The following PIGV variants were observed in gnomAD, a reference collection of about 807,000 sequenced individuals.
PIGV encodes the protein phosphatidylinositol glycan anchor biosynthesis class V.
Under a neutral mutation model 39.2 loss-of-function variants are expected in PIGV, and 27 were observed. The ratio of observed to expected loss-of-function variants is 0.69; its 90% CI spans 0.51 to 0.95. The LOEUF is 0.95. Ranked by LOEUF, PIGV falls within the 40% of genes least tolerant of loss-of-function variation. The pLI is 0.00. For missense variants in PIGV, 523 were observed against 586.4 expected (o/e 0.89, Z 1.12); for synonymous variants, 232 against 241.7 (o/e 0.96, Z 0.37).
intron 3 of PIGV, 23 bp downstream of exon 3, chr1:26,795,257 A>T: frequency 6.2e-7 from 1 of 1,612,822 alleles, no homozygotes; most frequent in Non-Finnish European, 8.5e-7. Context: ...CCTGACTGGG[A>T]TAAGGATGTG....
Position 26,797,585 on chromosome 1 carries a change from C to G in PIGV, c.1223C>G (p.Ser408Cys). Residue 408 changes from serine (S) to cysteine (C), a missense_variant, in exon 4 of 4, where the codon TCC becomes TGC. Coordinates refer to ENST00000674202, the MANE Select transcript of PIGV (RefSeq NM_017837.4). Reference protein sequence around the residue: ...HVQVLTRFLGSSTPIMYWFPA... With the variant: ...HVQVLTRFLGCSTPIMYWFPA... ...TAGGTTCTCACCAGGTTTTTGGGCT[C>G]CTCCACTCCTATTATGTACTGGTTT... is the stretch of plus-strand genomic sequence containing the variant. The G allele has an allele frequency of 6.2e-7, 1 of 1,614,108 alleles. No individual in the cohort carries two copies. Among genetic ancestry groups the G allele is most frequent in the Non-Finnish European group, 8.5e-7 (1 of 1,179,988 alleles).
At position 26,798,841 on chromosome 1, in the gene PIGV, A is replaced by G. The variant is rs1265051067; in HGVS notation, c.*997A>G. Reference sequence around the variant, plus strand: ...GAAGGCATCAGGAACCCTGGATTCTAGTCCTCTCAGTAAAACCCCATTTAC... The same window carrying G: ...GAAGGCATCAGGAACCCTGGATTCTGGTCCTCTCAGTAAAACCCCATTTAC... On this transcript the variant is annotated 3_prime_UTR_variant, in exon 4 of 4. Transcript: ENST00000674202. 1.3e-5 allele frequency among the ~76,000 whole-genome samples: 2 copies of G among 152,260 alleles called. No individual in the cohort carries two copies. Among genetic ancestry groups the G allele is most frequent in the Non-Finnish European group, 2.9e-5 (2 of 68,044 alleles).
intron 1 of PIGV, among the ~76,000 whole-genome samples, chr1:26,789,266 C>A (rs2081280453): frequency 6.6e-6 from 1 of 152,264 alleles, no homozygotes; most frequent in African/African-American, 2.4e-5. Flanking sequence ...ACCGAATTTT[C>A]GTGAGCCAAC....
chr1:26,791,538 T>C (rs2081309822), intron 2 of PIGV, among the ~76,000 whole-genome samples: 1 of 152,234 alleles, frequency 6.6e-6, no homozygotes, highest in Non-Finnish European at 1.5e-5. Context: ...GCTCAGTATG[T>C]TCATAAATGA....
chr1:26,797,692 C>G lies in PIGV; in HGVS notation c.1330C>G (p.Pro444Ala). The change falls in exon 4 of 4, where the codon CCA becomes GCA. Residue 444 changes from proline to alanine, a missense_variant. Transcript: ENST00000674202. Reference protein sequence around the residue: ...VPWKPLAEDSPPGQKVPRNPI... With the variant: ...VPWKPLAEDSAPGQKVPRNPI... ...TTGGAAGCCTCTTGCAGAGGACTCC[C>G]CACCAGGACAAAAGGTCCCCAGAAA... 1 of 1,614,152 alleles carries G rather than the reference C, an allele frequency of 6.2e-7. No homozygotes were observed. Among genetic ancestry groups the G allele is most frequent in the Non-Finnish European group, 8.5e-7 (1 of 1,180,010 alleles).
In PIGV at chr1:26,797,557, T is replaced by C; in HGVS notation, c.1201-6T>C. The C allele has an allele frequency of 6.2e-7, 1 of 1,613,426 alleles. No homozygotes were observed. The highest frequency in any genetic ancestry group is 8.5e-7 in the Non-Finnish European group (1 of 1,179,348). Reference sequence around the variant, plus strand: ...TGTCTGGATATTCCCCTCTCATGATTTCTAGGTTCTCACCAGGTTTTTGGG... The same window carrying C: ...TGTCTGGATATTCCCCTCTCATGATCTCTAGGTTCTCACCAGGTTTTTGGG... On this transcript the variant is annotated splice_region_variant and splice_polypyrimidine_tract_variant and intron_variant, in intron 3 of 3. Coordinates refer to ENST00000674202, the MANE Select transcript of PIGV (RefSeq NM_017837.4).
intron 3 of PIGV, among the ~76,000 whole-genome samples, chr1:26,795,695 G>C (rs1354685344): frequency 8.6e-6 from 1 of 116,148 alleles, no homozygotes; most frequent in Non-Finnish European, 1.7e-5. Context: ...GGGCGACAGA[G>C]TGAGACTCTA....
At position 26,797,664 on chromosome 1, in the gene PIGV, G is replaced by C; in HGVS notation, c.1302G>C (p.Val434=). 6.2e-7 allele frequency: 1 copy of C among 1,614,124 alleles called. No homozygotes were observed. Among genetic ancestry groups the C allele is most frequent in the Non-Finnish European group, 8.5e-7 (1 of 1,179,996 alleles). Residue 434 remains valine, a synonymous_variant, in exon 4 of 4, where the codon GTG becomes GTC. Coordinates refer to ENST00000674202, the MANE Select transcript of PIGV (RefSeq NM_017837.4). ...CGCTGTTGAGATCCTTAAAGACTGT[G>C]CCTTGGAAGCCTCTTGCAGAGGACT... ...QEPLLRSLKT[V]PWKPLAEDSP...
At position 26,794,530 on chromosome 1, in the gene PIGV, G is replaced by A; in HGVS notation, c.496G>A (p.Ala166Thr). ...CAGCCCTGCCAATGTCTTCCTGGCA[G>A]CTGGTTACTCAGAAGCTTTGTTTGC... Reference protein sequence around the residue: ...CLSPANVFLAAGYSEALFALL... With the variant: ...CLSPANVFLATGYSEALFALL... Residue 166 changes from alanine to threonine, a missense_variant, in exon 3 of 4, where the codon GCT (alanine) becomes ACT (threonine). Coordinates refer to ENST00000674202, the MANE Select transcript of PIGV (RefSeq NM_017837.4). 6.2e-7 allele frequency: 1 copy of A among 1,614,244 alleles called. No homozygotes were observed. Among genetic ancestry groups the A allele is most frequent in the East Asian group, 2.2e-5 (1 of 44,888 alleles).
Position 26,799,686 on chromosome 1 carries a change from C to T in PIGV, c.*1842C>T, listed in dbSNP as rs2081429701. 6.6e-6 allele frequency among the ~76,000 whole-genome samples: 1 copy of T among 152,180 alleles called. No individual in the cohort carries two copies. Among genetic ancestry groups the T allele is most frequent in the Admixed American group, 6.5e-5 (1 of 15,284 alleles). The stretch of plus-strand genomic sequence containing the variant: ...AATAAGCATTTCCCATCCATCGCCC[C>T]AGCACTAGGACAGCTGAGAGAATTT... On this transcript the variant is annotated 3_prime_UTR_variant, in exon 4 of 4. Coordinates refer to ENST00000674202, the MANE Select transcript of PIGV (RefSeq NM_017837.4).
Position 26,794,283 on chromosome 1 carries a change from C to T in PIGV, c.249C>T (p.His83=). The change falls in exon 3 of 4, where the codon CAC becomes CAT. Residue 83 remains histidine, a synonymous_variant. Transcript: ENST00000674202. ...CTGAGCATGGCTACCTGTATGAGCA[C>T]AACTTTGCCTTCTTTCCTGGTTTCC... is the stretch of plus-strand genomic sequence containing the variant. ...FIAEHGYLYE[H]NFAFFPGFPL... 6.2e-7 allele frequency: 1 copy of T among 1,614,252 alleles called. No homozygotes were observed.
rs1007978582 is a variant in PIGV, at chr1:26,797,661, T to C, written c.1299T>C (p.Thr433=). 1 of 1,614,074 alleles carries C rather than the reference T, an allele frequency of 6.2e-7. No individual in the cohort carries two copies. Among genetic ancestry groups the C allele is most frequent in the Non-Finnish European group, 8.5e-7 (1 of 1,180,010 alleles). Reference sequence around the variant, plus strand: ...AGCCGCTGTTGAGATCCTTAAAGACTGTGCCTTGGAAGCCTCTTGCAGAGG... The same window carrying C: ...AGCCGCTGTTGAGATCCTTAAAGACCGTGCCTTGGAAGCCTCTTGCAGAGG... The part of the protein sequence containing the change: ...DQEPLLRSLK[T]VPWKPLAEDS... Residue 433 remains threonine, a synonymous_variant, in exon 4 of 4, where the codon ACT becomes ACC. Coordinates refer to ENST00000674202, the MANE Select transcript of PIGV (RefSeq NM_017837.4).
rs779812457 is a variant in PIGV at position 26,794,197 on chromosome 1, C to G, written c.163C>G (p.Leu55Val). 1 of 1,614,236 alleles carries G rather than the reference C, an allele frequency of 6.2e-7. No homozygotes were observed. Among genetic ancestry groups the G allele is most frequent in the Non-Finnish European group, 8.5e-7 (1 of 1,180,044 alleles). Reference sequence around the variant, plus strand: ...GGCCCCCTCAGGCTTTGTGGACCAACTCGTGGAAGGTCTTCTGGGCGGCCT... The same window carrying G: ...GGCCCCCTCAGGCTTTGTGGACCAAGTCGTGGAAGGTCTTCTGGGCGGCCT... ...RLAPSGFVDQ[L>V]VEGLLGGLSH... The change falls in exon 3 of 4, where the codon CTC becomes GTC. Residue 55 changes from leucine (L) to valine (V), a missense_variant. Physicochemically the swap from Leu to Val is conservative, Grantham distance 32. Coordinates refer to ENST00000674202, the MANE Select transcript of PIGV (RefSeq NM_017837.4).
At chr1:26,795,709 CAAAAAAAA>C (rs1005170504) in intron 3 of PIGV, among the ~76,000 whole-genome samples, 4 of 27,838 alleles carry the variant, frequency 1.4e-4, no homozygotes, top group African/African-American at 1.6e-4. Flanking sequence ...GACTCTATCT[CAAAAAAAA>C]AAAAAAAAAA....
chr1:26,796,106 C>T (rs1009394662), intron 3 of PIGV, among the ~76,000 whole-genome samples: 2 of 151,546 alleles, frequency 1.3e-5, no homozygotes. Flanking sequence ...GTGATCTGCC[C>T]GCCTCATCCT....
chr1:26,793,993 T>G, intron 2 of PIGV, 120 bp from the exon 3 acceptor site: 3 of 926,946 alleles, frequency 3.2e-6, no homozygotes, highest in Non-Finnish European at 5.2e-6. Flanking sequence ...AATCCTCCCA[T>G]CTCAGCCTGC....
At chr1:26,791,722 T>TA (rs2124184130) in intron 2 of PIGV, among the ~76,000 whole-genome samples, 1 of 152,360 alleles carries the variant, frequency 6.6e-6, no homozygotes, top group South Asian at 2.1e-4. Context: ...GGTTTCGAGA[T>TA]TAGTTAAACG....
intron 2 of PIGV, 102 bp from the exon 3 acceptor site, chr1:26,794,011 G>A (rs2081346173): frequency 9.0e-7 from 1 of 1,111,942 alleles, no homozygotes; most frequent in Non-Finnish European, 1.4e-6. Flanking sequence ...TGCCAAAGTG[G>A]GGATTACAGG....
chr1:26,795,451 A>G (rs1025752068), intron 3 of PIGV, among the ~76,000 whole-genome samples: 1 of 152,124 alleles, frequency 6.6e-6, no homozygotes, highest in Non-Finnish European at 1.5e-5. Flanking sequence ...GGTGGCTCAC[A>G]CCCATAATCC....
Sources: allele counts gnomAD v4.1 joint callset (sites outside exome capture counted in the v4.1 genomes callset), GRCh38; gene constraint gnomAD v4.1.1; transcripts MANE v1.5; gene names NCBI Gene and HGNC (gene_info 2026-07-23, HGNC 2026-07-21).